Variants in ZNF394 observed in about 807,000 individuals in gnomAD.
ZNF394 encodes the protein zinc finger protein 394, also known as zinc finger protein 99.
A neutral mutation model predicts 21.8 loss-of-function variants in ZNF394; 19 were observed. That is an observed-to-expected ratio of 0.87 (90% CI 0.61 to 1.28). The LOEUF is 1.28. Among genes scored for constraint, ZNF394 ranks in the 50% most tolerant of loss-of-function variants. ZNF394 has a pLI of 0.00. For missense variants in ZNF394, 683 were observed against 708.6 expected, an observed-to-expected ratio of 0.96 and a Z score of 0.41; for synonymous variants, 294 against 273.3, an observed-to-expected ratio of 1.08 and a Z score of -0.75.
chr7:99,487,810 C>A (rs1168723461), intron 1 of ZNF394, among the ~76,000 whole-genome samples: 2 of 151,324 alleles, frequency 1.3e-5, no homozygotes, highest in African/African-American at 4.9e-5. Context: ...CGGTGGCTCA[C>A]GCCTGTAATC....
downstream of ZNF394, among the ~76,000 whole-genome samples, chr7:99,490,594 T>G (rs1413502303): frequency 6.7e-6 from 1 of 149,986 alleles, no homozygotes; most frequent in Non-Finnish European, 1.5e-5. Context: ...ATCACACCAC[T>G]GCACTCCAGA....
downstream of ZNF394, among the ~76,000 whole-genome samples, chr7:99,491,771 C>CAAAA (rs768073826): frequency 6.3e-4 from 22 of 34,944 alleles, no homozygotes; most frequent in African/African-American, 1.5e-3. Flanking sequence ...GAATCTGTCT[C>CAAAA]AAAAAAAAAA....
exon 2 of ZNF394, chr7:99,486,743 A>T: frequency 2.5e-6 from 4 of 1,614,248 alleles, no homozygotes; most frequent in Non-Finnish European, 3.4e-6. Flanking sequence ...TATGATGAGG[A>T]TGGCAAACCC....
chr7:99,490,392 C>T (rs533799083), downstream of ZNF394, among the ~76,000 whole-genome samples: 8 of 152,192 alleles, frequency 5.3e-5, no homozygotes, highest in Middle Eastern at 3.4e-3. Flanking sequence ...TGCCTGACCT[C>T]GTGATCTGCC....
At chr7:99,486,752 C>T in exon 2 of ZNF394, 1 of 1,614,130 alleles carries the variant, frequency 6.2e-7, no homozygotes, top group Non-Finnish European at 8.5e-7. Context: ...GATGGCAAAC[C>T]CTTCAATCAA....
At chr7:99,492,883 T>C (rs147474014), downstream of ZNF394, among the ~76,000 whole-genome samples, 720 of 151,280 alleles carry the variant, frequency 4.8e-3, 3 homozygotes, top group African/African-American at 0.016. Context: ...GCCCAGGAGG[T>C]TGAGGCCACA....
chr7:99,487,565 C>A, intron 1 of ZNF394: 1 of 1,488,276 alleles, frequency 6.7e-7, no homozygotes. Flanking sequence ...TAATTGTTTC[C>A]ATGAAAAGCA....
chr7:99,497,046 G>A (rs1254733111), intron 2 of ZNF394, among the ~76,000 whole-genome samples: 1 of 144,818 alleles, frequency 6.9e-6, no homozygotes, highest in Non-Finnish European at 1.5e-5. Flanking sequence ...TAGTACCAAA[G>A]CCTATATATA....
chr7:99,493,431 A>ATTTTTAGTAGAGACAGGATTTTG lies in ZNF394; in HGVS notation c.*97_*98insCAAAATCCTGTCTCTACTAAAAA. The ATTTTTAGTAGAGACAGGATTTTG allele has an allele frequency of 8.4e-7, 1 of 1,193,938 alleles. No homozygotes were observed. The highest frequency in any genetic ancestry group is 1.5e-5 in the South Asian group (1 of 65,670). The allele number at this position is 1,193,938 out of a possible 1,614,324, so 74.0% of individuals were successfully genotyped here. A position where few individuals can be genotyped will look rare whatever the true frequency, so the allele number is the denominator to read the frequency against. On this transcript the variant is annotated 3_prime_UTR_variant, in exon 3 of 3. Coordinates refer to ENST00000337673, the MANE Select transcript of ZNF394 (RefSeq NM_032164.4). ...ACCACCATGCCCGGCTCATTTTTGT[A>ATTTTTAGTAGAGACAGGATTTTG]TTTTTAGTAGAGACAGGATTTTACC... is the stretch of plus-strand genomic sequence containing the variant.
At chr7:99,490,215 T>C (rs1437674163), downstream of ZNF394, among the ~76,000 whole-genome samples, 1 of 134,662 alleles carries the variant, frequency 7.4e-6, no homozygotes, top group Non-Finnish European at 1.5e-5. Flanking sequence ...AGTGCAGCGG[T>C]GAGATCTCAG....
At position 99,494,210 on chromosome 7, in the gene ZNF394, G is replaced by A. The variant is rs749886513; in HGVS notation, c.1005C>T (p.Asp335=). 1 of 1,614,246 alleles carries A rather than the reference G, an allele frequency of 6.2e-7. No homozygotes were observed. The highest frequency in any genetic ancestry group is 8.5e-7 in the Non-Finnish European group (1 of 1,180,052). The change falls in exon 3 of 3, where the codon GAC becomes GAT. Residue 335 remains aspartate, a synonymous_variant. Transcript: ENST00000337673. ...TWHVLKPHKS[D]SGDSFHHSSL... is the part of the protein sequence containing the mutation. The stretch of plus-strand genomic sequence containing the variant: ...TGGAATGATGGAAACTGTCTCCACT[G>A]TCAGACTTGTGAGGTTTCAGCACGT...
intron 1 of ZNF394, among the ~76,000 whole-genome samples, chr7:99,487,759 G>C (rs1425402669): frequency 5.9e-5 from 9 of 151,858 alleles, no homozygotes; most frequent in Admixed American, 5.2e-4. Context: ...CTGGGTGACA[G>C]AGTGAGGCTG....
chr7:99,488,050 C>T (rs1167956756), intron 1 of ZNF394, among the ~76,000 whole-genome samples: 20 of 126,460 alleles, frequency 1.6e-4, no homozygotes, highest in African/African-American at 3.2e-4. Context: ...CCAGCCTGGG[C>T]GACAGAGCGA....
At chr7:99,498,969 C>A in intron 1 of ZNF394, 127 bp from the exon 2 acceptor site, 4 of 1,318,146 alleles carry the variant, frequency 3.0e-6, no homozygotes, top group Non-Finnish European at 3.0e-6. Flanking sequence ...CTCTTGTAAT[C>A]CTGAAAAGCC....
chr7:99,491,503 C>A (rs1413300940), downstream of ZNF394, among the ~76,000 whole-genome samples: 2 of 152,018 alleles, frequency 1.3e-5, no homozygotes, highest in East Asian at 3.9e-4. Context: ...AGCTTGGGGG[C>A]TAACTGGAAA....
intron 2 of ZNF394, among the ~76,000 whole-genome samples, chr7:99,497,142 GTA>G (rs60311026): frequency 3.7e-5 from 4 of 106,680 alleles, no homozygotes; most frequent in African/African-American, 5.2e-5. Context: ...ATATATATAT[GTA>G]TATATATATA....
chr7:99,487,791 G>C (rs1800052596), intron 1 of ZNF394, among the ~76,000 whole-genome samples: 1 of 151,760 alleles, frequency 6.6e-6, no homozygotes, highest in Admixed American at 6.6e-5. Flanking sequence ...AAAAAGAAAG[G>C]GCTGGGCGCG....
At chr7:99,492,627 G>A (rs372707775), downstream of ZNF394, among the ~76,000 whole-genome samples, 56 of 136,286 alleles carry the variant, frequency 4.1e-4, no homozygotes, top group African/African-American at 1.2e-3. Flanking sequence ...GTGACAGAGC[G>A]AGACTCCATC....
At chr7:99,496,251 A>G (rs1329118248) in intron 2 of ZNF394, among the ~76,000 whole-genome samples, 1 of 147,252 alleles carries the variant, frequency 6.8e-6, no homozygotes, top group Non-Finnish European at 1.5e-5. Flanking sequence ...CCTGACCTCA[A>G]GTGATTCACC....
Sources: gnomAD v4.1 joint callset for allele counts (sites outside exome capture counted in the v4.1 genomes callset) on GRCh38, gnomAD v4.1.1 for gene constraint, MANE v1.5 for transcripts, NCBI Gene and HGNC (gene_info 2026-07-23, HGNC 2026-07-21) for gene names.